The following CDH13 variants were observed in gnomAD, a reference collection of about 807,000 sequenced individuals.
CDH13 encodes cadherin-13.
CDH13 carries 24 observed loss-of-function variants against 63.8 expected under a neutral mutation model. The ratio of observed to expected loss-of-function variants is 0.38; its 90% CI spans 0.27 to 0.53. CDH13 has a LOEUF of 0.53. Ranked by LOEUF, CDH13 falls within the 20% of genes least tolerant of loss-of-function variation. The pLI, the probability that CDH13 is intolerant of heterozygous loss-of-function variation, is 0.85. For synonymous variants in CDH13, 503 were observed against 355.3 expected (o/e 1.42, Z -4.67); for missense variants, 1,049 against 903.1 (o/e 1.16, Z -2.07).
chr16:83,574,182 G>A (rs1308915540), intron 7 of CDH13, among the ~76,000 whole-genome samples: 1 of 152,170 alleles, frequency 6.6e-6, no homozygotes, highest in Admixed American at 6.5e-5. Context: ...GGAAATGGCA[G>A]CAGATATTGT....
intron 7 of CDH13, among the ~76,000 whole-genome samples, chr16:83,555,440 T>A (rs1378388383): frequency 6.6e-6 from 1 of 152,234 alleles, no homozygotes; most frequent in Non-Finnish European, 1.5e-5. Context: ...ATTTGAGAAG[T>A]GCTGTCTTAA....
intron 5 of CDH13, among the ~76,000 whole-genome samples, chr16:83,283,268 C>T (rs1417473501): frequency 1.3e-5 from 2 of 152,132 alleles, no homozygotes; most frequent in African/African-American, 2.4e-5. Context: ...ATATGAACTC[C>T]GAGTGTGGGA....
chr16:83,755,621 G>A (rs1913444638), intron 11 of CDH13, among the ~76,000 whole-genome samples: 1 of 152,094 alleles, frequency 6.6e-6, no homozygotes. Context: ...CTTCTAGATA[G>A]AAATAATGGA....
chr16:83,069,652 G>C (rs979570606), intron 3 of CDH13, among the ~76,000 whole-genome samples: 2 of 152,060 alleles, frequency 1.3e-5, no homozygotes, highest in African/African-American at 4.8e-5. Context: ...GACTATCACT[G>C]CTTCCTCCAG....
chr16:82,720,049 C>T (rs2032664562), intron 1 of CDH13, among the ~76,000 whole-genome samples: 1 of 151,924 alleles, frequency 6.6e-6, no homozygotes, highest in Admixed American at 6.6e-5. Context: ...TAATAAAGAC[C>T]CAAAACACTT....
At chr16:82,833,606 T>C (rs537170135) in intron 1 of CDH13, among the ~76,000 whole-genome samples, 13 of 152,230 alleles carry the variant, frequency 8.5e-5, no homozygotes, top group Non-Finnish European at 1.9e-4. Flanking sequence ...TTAATGAAGA[T>C]GGAAAATGAT....
In CDH13 at chr16:82,975,945, C is replaced by G. The variant is rs71402044; in HGVS notation, c.158-56065C>G. Among the ~76,000 whole-genome samples, 3 of 152,004 alleles carry G rather than the reference C, an allele frequency of 2.0e-5. No individual in the cohort carries two copies. In the East Asian group the frequency reaches 5.8e-4, roughly 29 times the overall value. ...TCCAAGCGCTCTCCCCCAGCACTTT[C>G]CAGGACTAAATAATGCATGAAGGGA... On this transcript the variant is annotated intron_variant, in intron 2 of 13. Transcript: ENST00000567109.
rs575477444 is a variant in CDH13, at chr16:83,032,190, G to A, written c.338G>A (p.Gly113Glu). Residue 113 changes from glycine (G) to glutamate (E), a missense_variant, in exon 3 of 14, where the codon GGG becomes GAG. Coordinates refer to ENST00000567109, the MANE Select transcript of CDH13 (RefSeq NM_001257.5). ...AEDMAELVIV[G>E]GKDIQGSLQD... ...GATATGGCAGAACTCGTGATTGTCGGGGGGAAAGACATCCAGGGCTCCTTG... is the reference window on the plus strand; with the variant it reads ...GATATGGCAGAACTCGTGATTGTCGAGGGGAAAGACATCCAGGGCTCCTTG... 4 of 1,613,506 alleles carry A rather than the reference G, an allele frequency of 2.5e-6. No homozygotes were observed. In the African/African-American group the frequency reaches 4.0e-5, roughly 16 times the overall value.
intron 11 of CDH13, among the ~76,000 whole-genome samples, chr16:83,779,426 A>T (rs1915358312): frequency 6.7e-6 from 1 of 149,566 alleles, no homozygotes; most frequent in African/African-American, 2.4e-5. Context: ...AAAAAAAAAA[A>T]AAAAAAAAAA....
intron 3 of CDH13, among the ~76,000 whole-genome samples, chr16:83,043,887 C>G (rs1200081779): frequency 4.6e-5 from 7 of 151,330 alleles, no homozygotes; most frequent in Admixed American, 1.3e-4. Context: ...TTACATTCTT[C>G]TTTTCATATT....
At chr16:83,421,303 C>T (rs998334733) in intron 6 of CDH13, among the ~76,000 whole-genome samples, 10 of 152,038 alleles carry the variant, frequency 6.6e-5, no homozygotes, top group Non-Finnish European at 1.5e-4. Flanking sequence ...AAATGAATTC[C>T]AGTACTAGAT....
At chr16:83,000,590 TG>T (rs374071158) in intron 2 of CDH13, among the ~76,000 whole-genome samples, 337 of 139,706 alleles carry the variant, frequency 2.4e-3, no homozygotes, top group African/African-American at 6.2e-3. Flanking sequence ...TTTTTTTTTT[TG>T]TTTTGTTTTG....
chr16:83,087,514 A>G (rs1200906219), intron 3 of CDH13, among the ~76,000 whole-genome samples: 1 of 151,990 alleles, frequency 6.6e-6, no homozygotes, highest in African/African-American at 2.4e-5. Context: ...CTAAAAATAC[A>G]GAGATTAGCC....
In CDH13 at chr16:83,023,200, A is replaced by T. The variant is rs187494314; in HGVS notation, c.158-8810A>T. 2.6e-3 allele frequency: 402 copies of T among 152,314 alleles called. 2 individuals carry two copies. Among genetic ancestry groups the T allele is most frequent in the African/African-American group, 8.9e-3 (370 of 41,586 alleles). The allele number at this position is 152,314 out of a possible 1,614,324, so 9.4% of individuals were successfully genotyped here. A position where few individuals can be genotyped will look rare whatever the true frequency, so the allele number is the denominator to read the frequency against. On this transcript the variant is annotated intron_variant, in intron 2 of 13. Transcript: ENST00000567109. The stretch of plus-strand genomic sequence containing the variant: ...TTTTTGTGACATTTGCATTAAGCCC[A>T]GGGGACATTTTGAGTGGAAAAGCGC...
At chr16:83,132,633 A>G (rs2036109739) in intron 4 of CDH13, among the ~76,000 whole-genome samples, 1 of 151,886 alleles carries the variant, frequency 6.6e-6, no homozygotes, top group Non-Finnish European at 1.5e-5. Flanking sequence ...TTTAGTAGAG[A>G]CAGGGTTTCA....
Position 82,761,725 on chromosome 16 carries a change from T to C in CDH13, c.46-96637T>C, listed in dbSNP as rs552091890. 3.3e-5 allele frequency among the ~76,000 whole-genome samples: 5 copies of C among 152,314 alleles called. No homozygotes were observed. In the South Asian group the frequency reaches 1.0e-3, roughly 32 times the overall value. On this transcript the variant is annotated intron_variant, in intron 1 of 13. Coordinates refer to ENST00000567109, the MANE Select transcript of CDH13 (RefSeq NM_001257.5). ...TGTTTAAGTTAGTGTTTTTCCAAGTTGCATTGTGATGAGGAGAATTTGACA... is the reference window on the plus strand; with the variant it reads ...TGTTTAAGTTAGTGTTTTTCCAAGTCGCATTGTGATGAGGAGAATTTGACA...
chr16:82,969,002 G>A (rs1034241180), intron 2 of CDH13, among the ~76,000 whole-genome samples: 1 of 152,144 alleles, frequency 6.6e-6, no homozygotes, highest in Non-Finnish European at 1.5e-5. Flanking sequence ...AGCTGCTCAG[G>A]AGGCTGAGGC....
intron 4 of CDH13, among the ~76,000 whole-genome samples, chr16:83,167,342 C>G (rs886780305): frequency 6.6e-6 from 1 of 151,602 alleles, no homozygotes; most frequent in East Asian, 1.9e-4. Context: ...ACTAAAAATA[C>G]AAAAATTAGC....
At chr16:83,092,977 G>T (rs961788426) in intron 3 of CDH13, among the ~76,000 whole-genome samples, 4 of 152,142 alleles carry the variant, frequency 2.6e-5, no homozygotes, top group African/African-American at 9.7e-5. Flanking sequence ...TAGTAAGGAA[G>T]GCACTGTGAT....
Sources: allele counts gnomAD v4.1 joint callset (sites outside exome capture counted in the v4.1 genomes callset), GRCh38; gene constraint gnomAD v4.1.1; transcripts MANE v1.5; gene names NCBI Gene and HGNC (gene_info 2026-07-23, HGNC 2026-07-21).